Variants in SHOX observed in about 807,000 individuals in gnomAD.
SHOX encodes the protein short stature homeobox protein.
Under a neutral mutation model 29.6 loss-of-function variants are expected in SHOX, and 12 were observed. The ratio of observed to expected loss-of-function variants is 0.41; its 90% CI spans 0.26 to 0.66. SHOX has a LOEUF of 0.66. SHOX is among the 30% of genes least tolerant of loss of function. SHOX has a pLI of 0.35. For missense variants in SHOX, 499 were observed against 437.7 expected (o/e 1.14, Z -1.25); for synonymous variants, 214 against 200.6 (o/e 1.07, Z -0.57).
At chrX:625,355 G>C (rs969556075) in intron 1 of SHOX, among the ~76,000 whole-genome samples, 4 of 150,128 alleles carry the variant, frequency 2.7e-5, no homozygotes, top group Admixed American at 1.3e-4. Flanking sequence ...TGATTCTTTT[G>C]GGACGCTTGG....
Position 641,053 on chromosome X carries a change from T to A in SHOX, c.599T>A (p.Val200Asp). The A allele has an allele frequency of 1.2e-6, 2 of 1,613,652 alleles. No homozygotes were observed. Among genetic ancestry groups the A allele is most frequent in the Non-Finnish European group, 1.7e-6 (2 of 1,179,820 alleles). ...GACGCCTGCCGAGTGGCACCCTACG[T>A]CAACATGGGAGCCTTACGGATGCCT... ...HLDACRVAPYVNMGALRMPFQ... is the reference protein window; with the variant it reads ...HLDACRVAPYDNMGALRMPFQ... Residue 200 changes from valine to aspartate, a missense_variant, in exon 4 of 5, where the codon GTC becomes GAC. Transcript: ENST00000686671.
rs2052925211 is a variant in SHOX, at chrX:644,386, C to T, written c.634-5C>T. 3 of 1,520,034 alleles carry T rather than the reference C, an allele frequency of 2.0e-6. No homozygotes were observed. Among genetic ancestry groups the T allele is most frequent in the Non-Finnish European group, 1.8e-6 (2 of 1,141,430 alleles). 94.2% of individuals were successfully genotyped at this position (1,520,034 alleles called of 1,614,324 possible). Reference sequence around the variant, plus strand: ...GCCCTCACCCCGCCGGGTCCGCTCCCGCAGGTCCAGGCTCAGCTGCAGCTG... The same window carrying T: ...GCCCTCACCCCGCCGGGTCCGCTCCTGCAGGTCCAGGCTCAGCTGCAGCTG... On this transcript the variant is annotated splice_region_variant and splice_polypyrimidine_tract_variant and intron_variant, in intron 4 of 4. Transcript: ENST00000686671.
intron 4 of SHOX, 89 bp from the exon 5 acceptor site, chrX:644,302 G>C: frequency 2.1e-6 from 3 of 1,414,880 alleles, no homozygotes; most frequent in Non-Finnish European, 2.8e-6. Context: ...GGGGAGAAGA[G>C]GCACGTTGGA....
downstream of SHOX, among the ~76,000 whole-genome samples, chrX:651,608 T>A (rs1349692509): frequency 1.9e-5 from 2 of 105,230 alleles, no homozygotes; most frequent in African/African-American, 4.0e-5. Flanking sequence ...AAAAAAAAAA[T>A]TCTCAACCTC....
rs2052932132 is a variant in SHOX, at chrX:644,687, G to GCCTGCACCGCGCGT, written c.*59_*72dup. ...CGGACTCCCGGGCTCCGCGCACCCC[G>GCCTGCACCGCGCGT]CCTGCACCGCGCGTCCTGCACTCAA... On this transcript the variant is annotated 3_prime_UTR_variant, in exon 5 of 5. Transcript: ENST00000686671. 2 of 1,376,678 alleles carry GCCTGCACCGCGCGT rather than the reference G, an allele frequency of 1.5e-6. No individual in the cohort carries two copies. Among genetic ancestry groups the GCCTGCACCGCGCGT allele is most frequent in the African/African-American group, 1.5e-5 (1 of 65,140 alleles). 85.3% of individuals were successfully genotyped at this position (1,376,678 alleles called of 1,614,324 possible).
Position 644,939 on chromosome X carries a change from C to T in SHOX, c.*303C>T, listed in dbSNP as rs2052938663. 1 of 411,338 alleles carries T rather than the reference C, an allele frequency of 2.4e-6. No homozygotes were observed. Among genetic ancestry groups the T allele is most frequent in the Non-Finnish European group, 4.3e-6 (1 of 234,506 alleles). The allele number at this position is 411,338 out of a possible 1,614,324, so 25.5% of individuals were successfully genotyped here. A position where few individuals can be genotyped will look rare whatever the true frequency, so the allele number is the denominator to read the frequency against. On this transcript the variant is annotated 3_prime_UTR_variant, in exon 5 of 5. Transcript: ENST00000686671. ...TGGAGAAGGGTAAACCCCCGCCTGG[C>T]TGCGTCTTCCTCTGCTATACCCTAT... is the stretch of plus-strand genomic sequence containing the variant.
At position 643,300 on chromosome X, in the gene SHOX, G is replaced by A. The variant is rs186036810; in HGVS notation, c.634-1091G>A. ...GGACCTGGTGTCCTGGGAGAGGCTT[G>A]GAGATCTGGTGAGCCGGGAGAGGCT... On this transcript the variant is annotated intron_variant, in intron 4 of 4. Transcript: ENST00000686671. Among the ~76,000 whole-genome samples, 886 of 148,290 alleles carry A rather than the reference G, an allele frequency of 6.0e-3. 11 individuals are homozygous for A. Among genetic ancestry groups the A allele is most frequent in the African/African-American group, 0.021 (841 of 39,292 alleles).
intron 1 of SHOX, among the ~76,000 whole-genome samples, chrX:633,954 A>G (rs1271065953): frequency 2.0e-5 from 3 of 152,328 alleles, no homozygotes; most frequent in South Asian, 2.1e-4. Flanking sequence ...TGGAGATGAG[A>G]AAGTGCCATT....
At chrX:652,526 G>A (rs935056523), downstream of SHOX, among the ~76,000 whole-genome samples, 36 of 151,892 alleles carry the variant, frequency 2.4e-4, no homozygotes, top group Admixed American at 4.6e-4. Flanking sequence ...GCAGTGCTGG[G>A]GGAGCTTTCT....
chrX:625,525 C>T (rs2052508413), intron 1 of SHOX, among the ~76,000 whole-genome samples: 1 of 151,818 alleles, frequency 6.6e-6, no homozygotes, highest in South Asian at 2.1e-4. Context: ...CTGTCTATCT[C>T]TGTATCTCTG....
chrX:645,212 G>A lies in SHOX; in HGVS notation c.*576G>A, dbSNP rs1165562276. On this transcript the variant is annotated 3_prime_UTR_variant, in exon 5 of 5. Coordinates refer to ENST00000686671, the MANE Select transcript of SHOX (RefSeq NM_000451.4). ...CCGGAGCCTCCCAGGCAGCAATAAGGAAATAGTTCTCTGGCTGAGGCTGAG... is the reference window on the plus strand; with the variant it reads ...CCGGAGCCTCCCAGGCAGCAATAAGAAAATAGTTCTCTGGCTGAGGCTGAG... The A allele has an allele frequency of 6.6e-6, 1 of 152,272 alleles. No individual in the cohort carries two copies. Among genetic ancestry groups the A allele is most frequent in the South Asian group, 2.1e-4 (1 of 4,826 alleles). The allele number at this position is 152,272 out of a possible 1,614,324, so 9.4% of individuals were successfully genotyped here. A position where few individuals can be genotyped will look rare whatever the true frequency, so the allele number is the denominator to read the frequency against.
At chrX:643,209 AAGAGGCTTGGACACCTGGTGTCCTGGG>A (rs2052892895) in intron 4 of SHOX, among the ~76,000 whole-genome samples, 1 of 109,180 alleles carries the variant, frequency 9.2e-6, no homozygotes, top group Admixed American at 1.0e-4. Flanking sequence ...GTGTCTCTGG[AAGAGGCTTGGACACCTGGTGTCCTGGG>A]GAGAGGCTTG....
At chrX:640,082 C>T (rs778395657) in intron 2 of SHOX, among the ~76,000 whole-genome samples, 28 of 151,556 alleles carry the variant, frequency 1.8e-4, no homozygotes, top group Admixed American at 3.3e-4. Flanking sequence ...CAGTGGCTCA[C>T]GCCTGTCATC....
At chrX:628,211 C>T (rs1178468519), upstream of SHOX, among the ~76,000 whole-genome samples, 3 of 124,476 alleles carry the variant, frequency 2.4e-5, no homozygotes, top group Non-Finnish European at 3.6e-5. Flanking sequence ...CTCTCTCTCC[C>T]TGTCCGTGTC....
intron 2 of SHOX, among the ~76,000 whole-genome samples, chrX:638,397 G>A (rs751864386): frequency 2.1e-4 from 32 of 152,236 alleles, no homozygotes; most frequent in Admixed American, 1.1e-3. Context: ...GGAGACAGGC[G>A]GAGAGTCCAG....
intron 2 of SHOX, 48 bp from the exon 3 acceptor site, chrX:640,773 G>T (rs1035211991): frequency 5.2e-5 from 83 of 1,606,484 alleles, no homozygotes; most frequent in Non-Finnish European, 7.0e-5. Context: ...TGGGGAGGCT[G>T]GGCTGGGTTC....
upstream of SHOX, chrX:630,772 A>T: frequency 1.6e-6 from 2 of 1,212,466 alleles, no homozygotes; most frequent in Non-Finnish European, 2.4e-6. Context: ...ATAAATAGTG[A>T]GATTTCCAAT....
Position 650,422 on chromosome X carries a change from G to A in SHOX, c.*5786G>A, listed in dbSNP as rs1230972508. On this transcript the variant is annotated 3_prime_UTR_variant, in exon 5 of 5. Transcript: ENST00000686671. ...TGGTCTTGCTGCTGTCCTTGGCCACGTCAGCACGTGGGAGCATCTGTGGAT... is the reference window on the plus strand; with the variant it reads ...TGGTCTTGCTGCTGTCCTTGGCCACATCAGCACGTGGGAGCATCTGTGGAT... Among the ~76,000 whole-genome samples the A allele has an allele frequency of 6.6e-6, 1 of 152,090 alleles. No individual in the cohort carries two copies. Among genetic ancestry groups the A allele is most frequent in the Non-Finnish European group, 1.5e-5 (1 of 68,010 alleles).
chrX:640,868 G>T lies in SHOX; in HGVS notation c.534G>T (p.Gln178His). 6.2e-7 allele frequency: 1 copy of T among 1,613,904 alleles called. No individual in the cohort carries two copies. Among genetic ancestry groups the T allele is most frequent in the Non-Finnish European group, 8.5e-7 (1 of 1,179,878 alleles). ...CCAAGTGCCGCAAACAAGAGAATCA[G>T]ATGCATAAAGGTGGGTGTCGGGACT... ...RRAKCRKQENQMHKGVILGTA... is the reference protein window; with the variant it reads ...RRAKCRKQENHMHKGVILGTA... The change falls in exon 3 of 5, where the codon CAG (glutamine) becomes CAT (histidine). Residue 178 changes from glutamine (Q) to histidine (H), a missense_variant. By Grantham distance (24) the Gln-to-His change is conservative. Transcript: ENST00000686671.
Sources: gnomAD v4.1 joint callset for allele counts (sites outside exome capture counted in the v4.1 genomes callset) on GRCh38, gnomAD v4.1.1 for gene constraint, MANE v1.5 for transcripts, NCBI Gene and HGNC (gene_info 2026-07-23, HGNC 2026-07-21) for gene names.